MPPED2: variants seen among roughly 807,000 people sequenced by gnomAD.
The protein encoded by MPPED2 is metallophosphoesterase domain containing 2.
Under a neutral mutation model 33.0 loss-of-function variants are expected in MPPED2, and 5 were observed. That is an observed-to-expected ratio of 0.15 (90% CI 0.08 to 0.32). The LOEUF (loss-of-function observed/expected upper bound fraction) is 0.32, where lower values mean the gene tolerates loss of function less well. Ranked by LOEUF, MPPED2 falls within the 10% of genes least tolerant of loss-of-function variation. The probability of loss-of-function intolerance (pLI) is 1.00; values close to 1 mark genes in which losing one functional copy is unlikely to be tolerated. For synonymous variants in MPPED2, 136 were observed against 141.9 expected (o/e 0.96, Z 0.29); for missense variants, 275 against 372.1 (o/e 0.74, Z 2.15).
chr11:30,552,886 G>C (rs1239334574), intron 2 of MPPED2, among the ~76,000 whole-genome samples: 8 of 152,140 alleles, frequency 5.3e-5, no homozygotes, highest in Non-Finnish European at 1.0e-4. Flanking sequence ...CGATAGGTAA[G>C]AATCACCATG....
At chr11:30,568,017 A>G (rs1432705000) in intron 2 of MPPED2, among the ~76,000 whole-genome samples, 4 of 152,342 alleles carry the variant, frequency 2.6e-5, no homozygotes, top group African/African-American at 9.6e-5. Context: ...GATGGACTAC[A>G]TATCACTATT....
intron 4 of MPPED2, among the ~76,000 whole-genome samples, chr11:30,463,072 A>G (rs888575831): frequency 6.6e-6 from 1 of 152,220 alleles, no homozygotes; most frequent in African/African-American, 2.4e-5. Context: ...TTTTATTCAA[A>G]TGGTAAACTT....
intron 3 of MPPED2, among the ~76,000 whole-genome samples, chr11:30,509,981 G>T (rs898168963): frequency 4.6e-5 from 7 of 152,138 alleles, no homozygotes; most frequent in African/African-American, 1.7e-4. Flanking sequence ...GAATGTTTAG[G>T]TTCAGAGAAG....
At chr11:30,556,961 G>A (rs558353266) in intron 2 of MPPED2, among the ~76,000 whole-genome samples, 1 of 151,736 alleles carries the variant, frequency 6.6e-6, no homozygotes, top group Non-Finnish European at 1.5e-5. Flanking sequence ...AATAAGATGA[G>A]GAAAAGATCA....
intron 3 of MPPED2, chr11:30,504,643 A>T: frequency 1.9e-6 from 1 of 540,536 alleles, no homozygotes; most frequent in Non-Finnish European, 3.0e-6. Context: ...AGAAACATTC[A>T]GTCAGGGCAA....
chr11:30,561,833 A>G (rs979988162), intron 2 of MPPED2, among the ~76,000 whole-genome samples: 1 of 152,194 alleles, frequency 6.6e-6, no homozygotes, highest in Admixed American at 6.5e-5. Context: ...AGTGATGCCA[A>G]CACCAATGAT....
chr11:30,461,308 A>G (rs951067307), intron 4 of MPPED2, among the ~76,000 whole-genome samples: 3 of 152,224 alleles, frequency 2.0e-5, no homozygotes, highest in Non-Finnish European at 2.9e-5. Context: ...TGGTTGCACA[A>G]CAATGTGAAT....
At position 30,489,158 on chromosome 11, in the gene MPPED2, C is replaced by T. The variant is rs138849774; in HGVS notation, c.536+6138G>A. Among the ~76,000 whole-genome samples, 1,237 of 151,864 alleles carry T rather than the reference C, an allele frequency of 8.1e-3. 64 individuals are homozygous for T. The highest frequency in any genetic ancestry group is 0.074 in the Admixed American group (1,125 of 15,248). On this transcript the variant is annotated intron_variant, in intron 4 of 6. Coordinates refer to ENST00000358117, the MANE Select transcript of MPPED2 (RefSeq NM_001584.3). ...ATCTGAATTCTATCATATGAGTTGC[C>T]AGTTGGTTTTCTAATCCTCTCACTC...
At chr11:30,514,330 C>T (rs1953398849) in intron 3 of MPPED2, among the ~76,000 whole-genome samples, 1 of 152,132 alleles carries the variant, frequency 6.6e-6, no homozygotes, top group South Asian at 2.1e-4. Flanking sequence ...GAAGGAATGA[C>T]CTTGTTTTTC....
chr11:30,545,071 A>G (rs1955337509), intron 2 of MPPED2, among the ~76,000 whole-genome samples: 1 of 152,142 alleles, frequency 6.6e-6, no homozygotes, highest in Non-Finnish European at 1.5e-5. Context: ...GAAGATTTGA[A>G]AGGCCAGCGG....
chr11:30,577,485 G>C (rs7934186), intron 2 of MPPED2, among the ~76,000 whole-genome samples: 1 of 152,102 alleles, frequency 6.6e-6, no homozygotes, highest in Non-Finnish European at 1.5e-5. Context: ...TCTTTACCTC[G>C]GGGAGAGGAG....
intron 4 of MPPED2, among the ~76,000 whole-genome samples, chr11:30,453,750 C>T (rs1038996602): frequency 1.3e-5 from 2 of 152,182 alleles, no homozygotes; most frequent in Admixed American, 1.3e-4. Context: ...CTCTGTTTCC[C>T]CACTTGGCTT....
chr11:30,580,167 G>A, intron 2 of MPPED2, 79 bp downstream of exon 2: 1 of 1,438,836 alleles, frequency 7.0e-7, no homozygotes, highest in African/African-American at 1.4e-5. Flanking sequence ...CCTAGCAGAA[G>A]TTAATAGTGA....
At chr11:30,485,611 T>C (rs1221911658) in intron 4 of MPPED2, among the ~76,000 whole-genome samples, 2 of 152,236 alleles carry the variant, frequency 1.3e-5, no homozygotes, top group African/African-American at 2.4e-5. Flanking sequence ...GTTTGAGCTA[T>C]GCCCAATGTG....
chr11:30,386,431 T>A lies in MPPED2; in HGVS notation c.*2458A>T, dbSNP rs1197716595. The stretch of plus-strand genomic sequence containing the variant: ...TGGCAGCTCCAATTCCAGTCTTGGC[T>A]CAAGGTATAGATTAGGGTGCTGCTT... On this transcript the variant is annotated 3_prime_UTR_variant, in exon 7 of 7. Transcript: ENST00000448418. The A allele has an allele frequency of 3.6e-5, 9 of 253,082 alleles. No homozygotes were observed. The South Asian group carries it at 1.4e-3, about 40-fold the overall frequency. 15.7% of individuals were successfully genotyped at this position (253,082 alleles called of 1,614,324 possible).
At chr11:30,467,815 G>A (rs1375489185) in intron 4 of MPPED2, among the ~76,000 whole-genome samples, 1 of 152,222 alleles carries the variant, frequency 6.6e-6, no homozygotes, top group Non-Finnish European at 1.5e-5. Flanking sequence ...CAGAGTTATT[G>A]CTCACGCCTT....
Position 30,417,546 on chromosome 11 carries a change from G to T in MPPED2, c.624C>A (p.Asp208Glu), listed in dbSNP as rs780944866. 9 of 1,612,064 alleles carry T rather than the reference G, an allele frequency of 5.6e-6. No homozygotes were observed. The South Asian group carries it at 8.8e-5, about 16-fold the overall frequency. ...DKWNLIPEGIDILMTHGPPLG... is the reference protein window; with the variant it reads ...DKWNLIPEGIEILMTHGPPLG... ...GAGGAGGTCCATGTGTCATGAGTAT[G>T]TCAATGCCCTCAGGGATGAGGTTCC... Residue 208 changes from aspartate (D) to glutamate (E), a missense_variant, in exon 5 of 7, where the codon GAC (aspartate) becomes GAA (glutamate). Asp to Glu is a conservative substitution (Grantham distance 45). Coordinates refer to ENST00000358117, the MANE Select transcript of MPPED2 (RefSeq NM_001584.3).
intron 6 of MPPED2, among the ~76,000 whole-genome samples, chr11:30,413,014 G>A (rs186510619): frequency 1.3e-5 from 2 of 152,224 alleles, no homozygotes; most frequent in African/African-American, 4.8e-5. Flanking sequence ...TCATACCTTA[G>A]GGCAGTACCC....
intron 4 of MPPED2, among the ~76,000 whole-genome samples, chr11:30,438,492 T>C (rs1023485018): frequency 1.3e-5 from 2 of 152,230 alleles, no homozygotes; most frequent in African/African-American, 4.8e-5. Flanking sequence ...ATTTACACTC[T>C]TTCCCTTGAC....
Sources: allele counts gnomAD v4.1 joint callset (sites outside exome capture counted in the v4.1 genomes callset), GRCh38; gene constraint gnomAD v4.1.1; transcripts MANE v1.5; gene names NCBI Gene and HGNC (gene_info 2026-07-23, HGNC 2026-07-21).